Variants in TRMT2B observed in about 807,000 individuals in gnomAD.
TRMT2B encodes the protein tRNA (uracil-5-)-methyltransferase homolog B.
A neutral mutation model predicts 39.7 loss-of-function variants in TRMT2B; 34 were observed. The observed-to-expected ratio is 0.86, with a 90% CI of 0.65 to 1.14. The LOEUF is 1.14. TRMT2B is among the 50% of genes most tolerant of loss of function. The pLI is 0.00. For missense variants in TRMT2B, 318 were observed against 377.2 expected (o/e 0.84, Z 1.30); for synonymous variants, 132 against 137.3 (o/e 0.96, Z 0.27).
the TRMT2B span, among the ~76,000 whole-genome samples, chrX:100,983,273 A>T: frequency 9.0e-6 from 1 of 111,239 alleles, no homozygotes; most frequent in Admixed American, 9.5e-5. Context: ...TAGGAAAAAA[A>T]TTTTTTTCTC....
the TRMT2B span, chrX:100,987,537 G>A: frequency 2.8e-5 from 34 of 1,211,064 alleles, no homozygotes; most frequent in Middle Eastern, 2.3e-4. Flanking sequence ...AGGCTCTGGA[G>A]AAAGATGCTC....
chrX:101,023,772 C>T (rs959513984), intron 7 of TRMT2B, among the ~76,000 whole-genome samples, 156 bp from the exon 8 acceptor site: 1 of 112,102 alleles, frequency 8.9e-6, no homozygotes, highest in Non-Finnish European at 1.9e-5. Context: ...TACTTTGAGA[C>T]AGGGCCTTTA....
chrX:101,048,420 C>G (rs1281891842), intron 2 of TRMT2B, among the ~76,000 whole-genome samples: 1 of 107,845 alleles, frequency 9.3e-6, no homozygotes, highest in South Asian at 4.1e-4. Flanking sequence ...CAGTTAAGAA[C>G]ACAGGCTTTG....
intron 13 of TRMT2B, among the ~76,000 whole-genome samples, chrX:101,013,963 TA>T (rs1341548287): frequency 9.1e-6 from 1 of 110,118 alleles, no homozygotes; most frequent in African/African-American, 3.3e-5. Context: ...GACTCACGCC[TA>T]TAGTCCCAGC....
chrX:100,980,233 A>C, the TRMT2B span, among the ~76,000 whole-genome samples: 1 of 110,652 alleles, frequency 9.0e-6, no homozygotes, highest in East Asian at 2.9e-4. Flanking sequence ...TGCCACCAGG[A>C]GCTAGGGCCT....
intron 2 of TRMT2B, among the ~76,000 whole-genome samples, chrX:101,042,941 C>A (rs2088331409): frequency 9.0e-6 from 1 of 111,648 alleles, no homozygotes. Context: ...GCTGAAACTA[C>A]AGGTGTGCAC....
At chrX:101,036,930 T>C (rs1374674773) in intron 6 of TRMT2B, 44 bp downstream of exon 6, 1 of 1,039,466 alleles carries the variant, frequency 9.6e-7, no homozygotes, top group East Asian at 3.0e-5. Flanking sequence ...CTCTGCACCC[T>C]TTCATTCCTC....
chrX:100,987,296 T>C, the TRMT2B span: 632 of 901,029 alleles, frequency 7.0e-4, 6 homozygotes, highest in Admixed American at 0.018. Flanking sequence ...AGAGTTTATG[T>C]GTTCCTTCAC....
chrX:101,046,662 C>T (rs2088688190), intron 2 of TRMT2B, among the ~76,000 whole-genome samples: 1 of 112,199 alleles, frequency 8.9e-6, no homozygotes, highest in East Asian at 2.8e-4. Flanking sequence ...CACAGTGGCT[C>T]ACACCTATAA....
the TRMT2B span, among the ~76,000 whole-genome samples, chrX:100,975,443 T>A: frequency 8.1e-5 from 9 of 111,422 alleles, no homozygotes; most frequent in African/African-American, 2.6e-4. Context: ...TACAACATCA[T>A]CAGGCAATTG....
chrX:101,033,256 CAAAA>C (rs748471263), intron 7 of TRMT2B, among the ~76,000 whole-genome samples: 1 of 58,195 alleles, frequency 1.7e-5, no homozygotes. Context: ...AACTCCAAGT[CAAAA>C]AAAAAAAAAA....
In TRMT2B at chrX:101,051,474, C is replaced by T; in HGVS notation, c.-247G>A. The stretch of plus-strand genomic sequence containing the variant: ...CAAGACTCCACTAGCCCTTCCATTC[C>T]CTTCTTCTTTAGGCAAGTTCTGCCC... On this transcript the variant is annotated 5_prime_UTR_variant, in exon 2 of 14. Coordinates refer to ENST00000372936, the MANE Select transcript of TRMT2B (RefSeq NM_024917.6). 4 of 754,739 alleles carry T rather than the reference C, an allele frequency of 5.3e-6. No homozygotes were observed. Among genetic ancestry groups the T allele is most frequent in the Non-Finnish European group, 6.3e-6 (4 of 639,511 alleles). 62.2% of individuals were successfully genotyped at this position (754,739 alleles called of 1,213,427 possible).
At chrX:100,987,306 C>T in the TRMT2B span, 3 of 998,788 alleles carry the variant, frequency 3.0e-6, no homozygotes, top group Non-Finnish European at 2.7e-6. Flanking sequence ...TGTTCCTTCA[C>T]TCTTTGAATG....
chrX:100,973,608 G>C, the TRMT2B span: 1 of 1,045,116 alleles, frequency 9.6e-7, no homozygotes, highest in Non-Finnish European at 1.3e-6. Context: ...TTAGTCATAA[G>C]CTGACTAAAG....
At chrX:101,027,316 C>T (rs2087158079) in intron 7 of TRMT2B, among the ~76,000 whole-genome samples, 1 of 109,942 alleles carries the variant, frequency 9.1e-6, no homozygotes, top group South Asian at 4.0e-4. Context: ...ACTGCAACCT[C>T]CGCCTCCCGG....
the TRMT2B span, among the ~76,000 whole-genome samples, chrX:100,994,082 A>G: frequency 8.9e-6 from 1 of 112,246 alleles, no homozygotes; most frequent in Non-Finnish European, 1.9e-5. Context: ...TTTCTGTAGA[A>G]AACAACCCAA....
chrX:101,022,562 A>G (rs1336545303), intron 8 of TRMT2B, among the ~76,000 whole-genome samples: 26 of 108,542 alleles, frequency 2.4e-4, no homozygotes, highest in African/African-American at 8.7e-4. Flanking sequence ...CGGAGGTTGC[A>G]GTGAACTGAG....
At chrX:100,988,958 G>C in the TRMT2B span, among the ~76,000 whole-genome samples, 4 of 104,726 alleles carry the variant, frequency 3.8e-5, no homozygotes, top group Non-Finnish European at 7.7e-5. Flanking sequence ...AATTACGCAA[G>C]TACCCAAAAA....
chrX:101,019,302 G>A lies in TRMT2B; in HGVS notation c.1270C>T (p.Pro424Ser), dbSNP rs770822264. The change falls in exon 12 of 14, where the codon CCA becomes TCA. Residue 424 changes from proline (P) to serine (S), a missense_variant. Transcript: ENST00000372936. ...DGQSIVAVVN[P>S]ARAGLHYKVI... ...TCCTTACGCAGTCCGGCACGGGCTG[G>A]GTTCACCACAGCAACAATTGACTGT... 1.7e-6 allele frequency: 2 copies of A among 1,211,451 alleles called. No homozygotes were observed. Among genetic ancestry groups the A allele is most frequent in the African/African-American group, 3.5e-5 (2 of 57,785 alleles).
Sources: gnomAD v4.1 joint callset for allele counts (sites outside exome capture counted in the v4.1 genomes callset) on GRCh38, gnomAD v4.1.1 for gene constraint, MANE v1.5 for transcripts, NCBI Gene and HGNC (gene_info 2026-07-23, HGNC 2026-07-21) for gene names.